The following NPDC1 variants were observed in gnomAD, a reference collection of about 807,000 sequenced individuals.
NPDC1 encodes neural proliferation differentiation and control protein 1.
NPDC1 carries 18 observed loss-of-function variants against 32.5 expected under a neutral mutation model. The ratio of observed to expected loss-of-function variants is 0.55; its 90% CI spans 0.38 to 0.82. NPDC1 has a LOEUF of 0.82. Ranked by LOEUF, NPDC1 falls within the 40% of genes least tolerant of loss-of-function variation. The pLI is 0.00. For missense variants in NPDC1, 468 were observed against 406.6 expected (o/e 1.15, Z -1.30); for synonymous variants, 210 against 184.7 (o/e 1.14, Z -1.11).
At chr9:137,043,107 G>A (rs753071913) in intron 1 of NPDC1, 34 bp from the exon 2 acceptor site, 159 of 1,606,552 alleles carry the variant, frequency 9.9e-5, no homozygotes, top group South Asian at 3.4e-4. Context: ...GCCGGCTCAC[G>A]GCCCCGCAGG....
chr9:137,046,125 G>A lies in NPDC1; in HGVS notation c.-136C>T. 9.1e-7 allele frequency: 1 copy of A among 1,093,960 alleles called. No homozygotes were observed. The highest frequency in any genetic ancestry group is 1.1e-6 in the Non-Finnish European group (1 of 898,938). The allele number at this position is 1,093,960 out of a possible 1,614,324, so 67.8% of individuals were successfully genotyped here. ...AGAAGAGGCGGATGCCAAGGAGGAG[G>A]AGGAGGAAGAGGAAAGGCACGGGCG... On this transcript the variant is annotated 5_prime_UTR_variant, in exon 1 of 9. Coordinates refer to ENST00000371601, the MANE Select transcript of NPDC1 (RefSeq NM_015392.4).
Position 137,039,738 on chromosome 9 carries a change from T to C in NPDC1, c.*34A>G, listed in dbSNP as rs774215460. 1.9e-5 allele frequency: 14 copies of C among 727,460 alleles called. No individual in the cohort carries two copies. Among genetic ancestry groups the C allele is most frequent in the South Asian group, 1.8e-4 (13 of 70,864 alleles). The allele number at this position is 727,460 out of a possible 1,614,324, so 45.1% of individuals were successfully genotyped here. On this transcript the variant is annotated 3_prime_UTR_variant, in exon 9 of 9. Coordinates refer to ENST00000371601, the MANE Select transcript of NPDC1 (RefSeq NM_015392.4). ...CTGCCCCTCCCCGGGGGCCTCGAGG[T>C]CGGGGAGCAGGTGGGCGTCTGTCTG...
chr9:137,040,331 G>C (rs1333661528), intron 7 of NPDC1, 26 bp downstream of exon 7: 3 of 1,526,052 alleles, frequency 2.0e-6, no homozygotes, highest in East Asian at 2.5e-5. Flanking sequence ...GTGGGTGGGG[G>C]TGGCAGTGCC....
intron 1 of NPDC1, among the ~76,000 whole-genome samples, chr9:137,045,053 G>C (rs1832110139): frequency 1.3e-5 from 2 of 152,230 alleles, no homozygotes; most frequent in African/African-American, 4.8e-5. Context: ...CAGGAGTACT[G>C]TACGAATGCA....
chr9:137,045,283 G>T (rs1588550166), intron 1 of NPDC1, among the ~76,000 whole-genome samples: 1 of 152,254 alleles, frequency 6.6e-6, no homozygotes, highest in Admixed American at 6.5e-5. Flanking sequence ...GCAGGCGGAG[G>T]CTCTGAGGCT....
chr9:137,042,155 A>C (rs1832066921), intron 2 of NPDC1, among the ~76,000 whole-genome samples: 1 of 152,148 alleles, frequency 6.6e-6, no homozygotes, highest in Non-Finnish European at 1.5e-5. Context: ...GGCTTCGTGG[A>C]GAGTGAATGA....
chr9:137,042,849 C>T (rs1005280652), intron 2 of NPDC1, 78 bp downstream of exon 2: 26 of 1,513,894 alleles, frequency 1.7e-5, no homozygotes, highest in African/African-American at 1.7e-4. Context: ...TGAGCCACCG[C>T]GCCCAGCCGG....
chr9:137,044,353 C>A (rs1353179294), intron 1 of NPDC1, among the ~76,000 whole-genome samples: 4 of 152,232 alleles, frequency 2.6e-5, no homozygotes, highest in Non-Finnish European at 5.9e-5. Context: ...GCCAGCAGGT[C>A]CACCTGGGCC....
chr9:137,041,425 G>A (rs1034498933), intron 2 of NPDC1, among the ~76,000 whole-genome samples: 2 of 152,168 alleles, frequency 1.3e-5, no homozygotes, highest in Admixed American at 1.3e-4. Flanking sequence ...CCAAAGACCG[G>A]GCACGGGGAG....
At chr9:137,043,232 G>A (rs1179876266) in intron 1 of NPDC1, 159 bp from the exon 2 acceptor site, 2 of 842,778 alleles carry the variant, frequency 2.4e-6, no homozygotes, top group Non-Finnish European at 4.0e-6. Flanking sequence ...CCTGACGCCA[G>A]GGCTCAGAAC....
intron 2 of NPDC1, among the ~76,000 whole-genome samples, chr9:137,042,553 G>A (rs560630931): frequency 1.1e-3 from 151 of 131,736 alleles, no homozygotes; most frequent in African/African-American, 3.7e-3. Flanking sequence ...CACTGCTCCC[G>A]GCCTTCTTTT....
At chr9:137,041,629 G>C (rs967034339) in intron 2 of NPDC1, among the ~76,000 whole-genome samples, 1 of 152,170 alleles carries the variant, frequency 6.6e-6, no homozygotes, top group Non-Finnish European at 1.5e-5. Flanking sequence ...AGCTGTCAGG[G>C]GTGGGGCTGG....
Position 137,042,955 on chromosome 9 carries a change from G to A in NPDC1, c.231C>T (p.Leu77=). The change falls in exon 2 of 9, where the codon CTC becomes CTT. Residue 77 remains leucine, a synonymous_variant. Transcript: ENST00000371601. ...GAGGCCGGCGCATCCTGGGCACACA[G>A]AGCCCTTGCTGGTCCTCCTGGAAGG... The part of the protein sequence containing the change: ...LQPFQEDQQG[L]CVPRMRRPPG... 1 of 1,608,842 alleles carries A rather than the reference G, an allele frequency of 6.2e-7. No individual in the cohort carries two copies. The highest frequency in any genetic ancestry group is 2.2e-5 in the East Asian group (1 of 44,730).
intron 2 of NPDC1, among the ~76,000 whole-genome samples, chr9:137,041,431 G>C (rs1226949247): frequency 6.6e-6 from 1 of 152,190 alleles, no homozygotes; most frequent in African/African-American, 2.4e-5. Context: ...ACCGGGCACG[G>C]GGAGGAAGGA....
chr9:137,041,079 T>C lies in NPDC1; in HGVS notation c.368A>G (p.Gln123Arg). The C allele has an allele frequency of 1.3e-6, 2 of 1,526,080 alleles. No homozygotes were observed. The highest frequency in any genetic ancestry group is 1.8e-6 in the Non-Finnish European group (2 of 1,138,900). 94.5% of individuals were successfully genotyped at this position (1,526,080 alleles called of 1,614,324 possible). A position where few individuals can be genotyped will look rare whatever the true frequency, so the allele number is the denominator to read the frequency against. ...GGTCTCACCAGGCTCCGGGAGCCGC[T>C]GTCGGTCCTTGGGTAGGGGCGGAGT... The part of the protein sequence containing the change: ...HSTPPLPKDR[Q>R]RLPEPATLGF... Residue 123 changes from glutamine (Q) to arginine (R), a missense_variant, in exon 3 of 9, where the codon CAG becomes CGG. Transcript: ENST00000371601.
chr9:137,042,842 G>C, intron 2 of NPDC1, 85 bp downstream of exon 2: 1 of 1,495,764 alleles, frequency 6.7e-7, no homozygotes, highest in Non-Finnish European at 9.0e-7. Flanking sequence ...ACAGGCATGA[G>C]CCACCGCGCC....
chr9:137,045,757 C>G (rs927096698), intron 1 of NPDC1, 121 bp downstream of exon 1: 6 of 544,178 alleles, frequency 1.1e-5, no homozygotes, highest in African/African-American at 8.2e-5. Flanking sequence ...ACCAGCGGAC[C>G]AGGCCTGCAG....
chr9:137,042,109 C>T (rs1384582269), intron 2 of NPDC1, among the ~76,000 whole-genome samples: 1 of 152,242 alleles, frequency 6.6e-6, no homozygotes, highest in African/African-American at 2.4e-5. Context: ...CTGACTGCCC[C>T]AGGCCTGGGC....
At chr9:137,040,185 T>G in intron 7 of NPDC1, 118 bp from the exon 8 acceptor site, 5 of 698,636 alleles carry the variant, frequency 7.2e-6, no homozygotes, top group African/African-American at 1.8e-5. Context: ...CAGCCCAGGG[T>G]GAAGTTGGCC....
Sources: gnomAD v4.1 joint callset for allele counts (sites outside exome capture counted in the v4.1 genomes callset) on GRCh38, gnomAD v4.1.1 for gene constraint, MANE v1.5 for transcripts, NCBI Gene and HGNC (gene_info 2026-07-23, HGNC 2026-07-21) for gene names.